Variants in CCDC171 observed in about 807,000 individuals in gnomAD.
CCDC171 encodes the protein coiled-coil domain-containing protein 171.
Under a neutral mutation model 168.2 loss-of-function variants are expected in CCDC171, and 177 were observed. That is an observed-to-expected ratio of 1.05 (90% CI 0.93 to 1.19). The LOEUF is 1.19. CCDC171 is among the 50% of genes most tolerant of loss of function. The probability of loss-of-function intolerance (pLI) is 0.00; values close to 1 mark genes in which losing one functional copy is unlikely to be tolerated. For synonymous variants in CCDC171, 687 were observed against 540.8 expected (o/e 1.27, Z -3.75); for missense variants, 1,991 against 1,539.0 (o/e 1.29, Z -4.91).
the CCDC171 span, among the ~76,000 whole-genome samples, chr9:16,074,668 T>C: frequency 9.9e-5 from 15 of 152,228 alleles, no homozygotes; most frequent in African/African-American, 3.6e-4. Flanking sequence ...GGATAAGTAG[T>C]GGTTATTTAG....
intron 18 of CCDC171, among the ~76,000 whole-genome samples, chr9:15,761,185 C>G (rs907941049): frequency 3.9e-5 from 6 of 152,132 alleles, no homozygotes; most frequent in Non-Finnish European, 8.8e-5. Context: ...TCTTAATTGT[C>G]TAGAAGATAG....
At chr9:15,979,381 G>C (rs1421352737) in intron 3 of CCDC171, among the ~76,000 whole-genome samples, 1 of 152,126 alleles carries the variant, frequency 6.6e-6, no homozygotes, top group Non-Finnish European at 1.5e-5. Flanking sequence ...TTAGGGAAAA[G>C]CATTAAGTCT....
At chr9:15,950,426 T>C (rs1471812069) in intron 25 of CCDC171, among the ~76,000 whole-genome samples, 1 of 152,120 alleles carries the variant, frequency 6.6e-6, no homozygotes, top group African/African-American at 2.4e-5. Flanking sequence ...GCAGATGTCT[T>C]GGCAGAAACT....
At chr9:15,940,020 A>C (rs1019253316) in intron 25 of CCDC171, among the ~76,000 whole-genome samples, 1 of 151,906 alleles carries the variant, frequency 6.6e-6, no homozygotes, top group African/African-American at 2.4e-5. Context: ...TTCTTCCAAC[A>C]AAAATACTTT....
chr9:15,604,761 A>G (rs1000515872), intron 6 of CCDC171, among the ~76,000 whole-genome samples: 1 of 152,198 alleles, frequency 6.6e-6, no homozygotes, highest in Non-Finnish European at 1.5e-5. Flanking sequence ...CCCAGTAAGT[A>G]TGATTGTGAT....
intron 11 of CCDC171, among the ~76,000 whole-genome samples, chr9:15,716,521 T>C (rs1341600610): frequency 6.6e-6 from 1 of 152,128 alleles, no homozygotes; most frequent in African/African-American, 2.4e-5. Flanking sequence ...TTTTTTATAA[T>C]AAATTTGGGT....
intron 16 of CCDC171, among the ~76,000 whole-genome samples, chr9:15,733,669 T>TTAATCACTC (rs60177203): frequency 0.49 from 73,694 of 151,686 alleles, 18,282 homozygotes; most frequent in East Asian, 0.75. Flanking sequence ...CTATACTGAT[T>TTAATCACTC]TAACCTTTTA....
intron 21 of CCDC171, among the ~76,000 whole-genome samples, chr9:15,840,597 G>A (rs760941877): frequency 6.6e-6 from 1 of 152,084 alleles, no homozygotes; most frequent in Non-Finnish European, 1.5e-5. Context: ...GGTAGTTTCT[G>A]TCTCATGAGG....
intron 9 of CCDC171, among the ~76,000 whole-genome samples, chr9:15,670,784 CTT>C (rs1158863963): frequency 6.6e-6 from 1 of 152,022 alleles, no homozygotes; most frequent in Non-Finnish European, 1.5e-5. Flanking sequence ...TAACAAGAAA[CTT>C]TGTTTTGTTT....
At chr9:15,874,877 A>C in intron 24 of CCDC171, 1 of 384,368 alleles carries the variant, frequency 2.6e-6, no homozygotes, top group Non-Finnish European at 4.3e-6. Flanking sequence ...TAATCCAGAA[A>C]AGTGTTTTTA....
Position 15,588,592 on chromosome 9 carries a change from C to T in CCDC171, c.353-2774C>T, listed in dbSNP as rs1247986440. 3 of 312,010 alleles carry T rather than the reference C, an allele frequency of 9.6e-6. No homozygotes were observed. The South Asian group carries it at 1.2e-4, about 12-fold the overall frequency. The allele number at this position is 312,010 out of a possible 1,614,324, so 19.3% of individuals were successfully genotyped here. Reference sequence around the variant, plus strand: ...CAAAACAGACCAGGCACAGGAAGCTCAGCGTGCTGGAGACGCCAAGTGAAA... The same window carrying T: ...CAAAACAGACCAGGCACAGGAAGCTTAGCGTGCTGGAGACGCCAAGTGAAA... On this transcript the variant is annotated intron_variant, in intron 4 of 25. Coordinates refer to ENST00000380701, the MANE Select transcript of CCDC171 (RefSeq NM_173550.4).
At chr9:15,741,929 T>G (rs573608249) in intron 16 of CCDC171, among the ~76,000 whole-genome samples, 1 of 152,340 alleles carries the variant, frequency 6.6e-6, no homozygotes, top group Admixed American at 6.5e-5. Context: ...TATCTCTACC[T>G]GTATCTACAT....
the CCDC171 span, among the ~76,000 whole-genome samples, chr9:16,094,730 T>C: frequency 6.6e-6 from 1 of 152,228 alleles, no homozygotes; most frequent in African/African-American, 2.4e-5. Flanking sequence ...CAAACAAGTT[T>C]GTATCTTACA....
chr9:15,646,082 G>A (rs1465950294), intron 7 of CCDC171, among the ~76,000 whole-genome samples: 3 of 152,130 alleles, frequency 2.0e-5, no homozygotes, highest in East Asian at 1.9e-4. Flanking sequence ...AAGAGAGTGG[G>A]GGCCAATATT....
At chr9:15,648,362 A>G (rs1163204581) in intron 7 of CCDC171, among the ~76,000 whole-genome samples, 1 of 152,152 alleles carries the variant, frequency 6.6e-6, no homozygotes, top group African/African-American at 2.4e-5. Flanking sequence ...CTCTCTCACC[A>G]TTCCTATTCA....
intron 4 of CCDC171, among the ~76,000 whole-genome samples, chr9:15,590,797 CTT>C (rs1298619600): frequency 7.0e-6 from 1 of 142,562 alleles, no homozygotes; most frequent in African/African-American, 2.6e-5. Flanking sequence ...TTCTTTCTTT[CTT>C]TCTTTCTTTC....
intron 7 of CCDC171, among the ~76,000 whole-genome samples, chr9:15,648,942 C>G (rs1001744826): frequency 6.6e-6 from 1 of 152,192 alleles, no homozygotes; most frequent in African/African-American, 2.4e-5. Flanking sequence ...ATTGCCAAGA[C>G]AATCCTAAGC....
chr9:15,903,054 C>G (rs1242766337), intron 24 of CCDC171, among the ~76,000 whole-genome samples: 1 of 152,184 alleles, frequency 6.6e-6, no homozygotes, highest in Non-Finnish European at 1.5e-5. Flanking sequence ...TGGGTGGAGC[C>G]CACCGCAGCT....
At chr9:15,602,647 C>CTTTTTTTTTTTTTTTTTT (rs1161286304) in intron 6 of CCDC171, among the ~76,000 whole-genome samples, 21 of 30,492 alleles carry the variant, frequency 6.9e-4, no homozygotes, top group Non-Finnish European at 9.5e-4. Context: ...TTTTTTTTTT[C>CTTTTTTTTTTTTTTTTTT]TTTTTTTTTT....
Sources: allele counts gnomAD v4.1 joint callset (sites outside exome capture counted in the v4.1 genomes callset), GRCh38; gene constraint gnomAD v4.1.1; transcripts MANE v1.5; gene names NCBI Gene and HGNC (gene_info 2026-07-23, HGNC 2026-07-21).